Variants in SLC24A2 observed in about 807,000 individuals in gnomAD.
SLC24A2 encodes the protein sodium/potassium/calcium exchanger 2.
SLC24A2 carries 36 observed loss-of-function variants against 62.0 expected under a neutral mutation model. The observed-to-expected ratio is 0.58, with a 90% confidence interval of 0.44 to 0.77. The LOEUF (loss-of-function observed/expected upper bound fraction) is 0.77. Among genes scored for constraint, SLC24A2 ranks in the 30% least tolerant of loss-of-function variants. SLC24A2 has a pLI of 0.00. For missense variants in SLC24A2, 846 were observed against 817.9 expected, an observed-to-expected ratio of 1.03 and a Z score of -0.42; for synonymous variants, 358 against 294.0, an observed-to-expected ratio of 1.22 and a Z score of -2.23.
chr9:20,015,568 G>T, the SLC24A2 span, among the ~76,000 whole-genome samples: 3 of 152,138 alleles, frequency 2.0e-5, no homozygotes, highest in African/African-American at 7.2e-5. Flanking sequence ...CCCCATCCCT[G>T]ACCATACAGA....
the SLC24A2 span, among the ~76,000 whole-genome samples, chr9:20,110,754 A>T: frequency 6.6e-6 from 1 of 152,224 alleles, no homozygotes; most frequent in Non-Finnish European, 1.5e-5. Flanking sequence ...TTCATTTTGC[A>T]TCCAATCATT....
chr9:19,527,468 A>G (rs1018883895), intron 9 of SLC24A2, among the ~76,000 whole-genome samples: 22 of 152,250 alleles, frequency 1.4e-4, no homozygotes, highest in African/African-American at 5.1e-4. Flanking sequence ...TCAATTATCA[A>G]TAGTTACCAC....
chr9:19,523,459 T>A (rs1833291415), intron 9 of SLC24A2, among the ~76,000 whole-genome samples: 1 of 152,230 alleles, frequency 6.6e-6, no homozygotes, highest in Admixed American at 6.5e-5. Flanking sequence ...TAGTTTTTTT[T>A]TTAACTTAAT....
At chr9:20,132,432 G>A in the SLC24A2 span, among the ~76,000 whole-genome samples, 1 of 152,122 alleles carries the variant, frequency 6.6e-6, no homozygotes, top group African/African-American at 2.4e-5. Context: ...ACTTTCTGTG[G>A]ATTGCTGGAT....
intron 9 of SLC24A2, among the ~76,000 whole-genome samples, chr9:19,522,599 G>A (rs1428252572): frequency 1.3e-5 from 2 of 152,166 alleles, no homozygotes; most frequent in South Asian, 2.1e-4. Flanking sequence ...AGCCTGGTGA[G>A]CTGAACTAGC....
At chr9:20,012,352 C>T in the SLC24A2 span, among the ~76,000 whole-genome samples, 779 of 152,270 alleles carry the variant, frequency 5.1e-3, 10 homozygotes, top group African/African-American at 0.018. Context: ...CATCAGATCT[C>T]GTGAGTCTTA....
chr9:19,952,837 A>G, the SLC24A2 span, among the ~76,000 whole-genome samples: 4 of 151,960 alleles, frequency 2.6e-5, no homozygotes, highest in Admixed American at 2.6e-4. Context: ...TCTTCCTTAA[A>G]TGTTTGGTAA....
intron 4 of SLC24A2, among the ~76,000 whole-genome samples, chr9:19,603,850 G>A (rs1170010449): frequency 6.6e-6 from 1 of 152,150 alleles, no homozygotes; most frequent in Non-Finnish European, 1.5e-5. Context: ...CTAATTTACT[G>A]AATCTTTCAG....
intron 2 of SLC24A2, among the ~76,000 whole-genome samples, chr9:19,694,628 T>C (rs1275844542): frequency 6.6e-6 from 1 of 152,172 alleles, no homozygotes; most frequent in Non-Finnish European, 1.5e-5. Context: ...TGCATGTCAA[T>C]TGCACATATT....
chr9:20,281,249 A>G, the SLC24A2 span, among the ~76,000 whole-genome samples: 1 of 152,204 alleles, frequency 6.6e-6, no homozygotes, highest in Admixed American at 6.5e-5. Flanking sequence ...AGTTTTTAAG[A>G]AACTATAACT....
chr9:19,570,549 C>T (rs1036512785), intron 7 of SLC24A2, among the ~76,000 whole-genome samples: 2 of 152,184 alleles, frequency 1.3e-5, no homozygotes, highest in Non-Finnish European at 2.9e-5. Context: ...ATATTATATA[C>T]ATAAAACCAT....
At chr9:19,597,835 C>T (rs1413383213) in intron 4 of SLC24A2, among the ~76,000 whole-genome samples, 2 of 152,198 alleles carry the variant, frequency 1.3e-5, no homozygotes, top group African/African-American at 2.4e-5. Context: ...ACAGACAACA[C>T]AGAGTGCTCT....
chr9:19,560,140 G>A (rs558402095), intron 7 of SLC24A2, among the ~76,000 whole-genome samples: 4 of 152,268 alleles, frequency 2.6e-5, no homozygotes, highest in East Asian at 1.9e-4. Flanking sequence ...AGCATCATTT[G>A]CTTTTCTTCT....
chr9:20,132,316 T>C, the SLC24A2 span, among the ~76,000 whole-genome samples: 1 of 152,108 alleles, frequency 6.6e-6, no homozygotes, highest in African/African-American at 2.4e-5. Context: ...GCTGATGTGC[T>C]ATGTGAAAGA....
chr9:19,598,886 A>G (rs1836773420), intron 4 of SLC24A2, among the ~76,000 whole-genome samples: 1 of 152,202 alleles, frequency 6.6e-6, no homozygotes, highest in African/African-American at 2.4e-5. Flanking sequence ...ACATCAGCCA[A>G]CTAACTGTTT....
intron 2 of SLC24A2, among the ~76,000 whole-genome samples, chr9:19,662,874 G>C (rs1264718403): frequency 6.6e-6 from 1 of 152,144 alleles, no homozygotes; most frequent in African/African-American, 2.4e-5. Context: ...TGTTTTGTGT[G>C]TGCACGTGTG....
chr9:20,105,079 C>G, the SLC24A2 span, among the ~76,000 whole-genome samples: 20 of 152,142 alleles, frequency 1.3e-4, no homozygotes, highest in African/African-American at 3.4e-4. Flanking sequence ...TTTAAACCAA[C>G]AAAGATCAAA....
At chr9:20,266,823 A>G in the SLC24A2 span, among the ~76,000 whole-genome samples, 1 of 152,298 alleles carries the variant, frequency 6.6e-6, no homozygotes, top group South Asian at 2.1e-4. Flanking sequence ...CATGCCTATA[A>G]TTCCAATACT....
the SLC24A2 span, among the ~76,000 whole-genome samples, chr9:19,924,650 C>G: frequency 6.6e-6 from 1 of 152,110 alleles, no homozygotes; most frequent in Non-Finnish European, 1.5e-5. Flanking sequence ...TCTTATGGCT[C>G]AAAATAAATA....
Sources: gnomAD v4.1 joint callset for allele counts (sites outside exome capture counted in the v4.1 genomes callset) on GRCh38, gnomAD v4.1.1 for gene constraint, MANE v1.5 for transcripts, NCBI Gene and HGNC (gene_info 2026-07-23, HGNC 2026-07-21) for gene names.